Variants in ATP9B observed in about 807,000 individuals in gnomAD.
ATP9B encodes the protein ATPase phospholipid transporting 9B, also known as probable phospholipid-transporting ATPase IIB.
ATP9B carries 110 observed loss-of-function variants against 146.1 expected under a neutral mutation model. That is an observed-to-expected ratio of 0.75 (90% CI 0.65 to 0.88). The LOEUF is 0.88. ATP9B is among the 40% of genes least tolerant of loss of function. ATP9B has a pLI of 0.00. For missense variants in ATP9B, 1,499 were observed against 1,496.4 expected (o/e 1.00, Z -0.03); for synonymous variants, 604 against 569.7 (o/e 1.06, Z -0.86).
intron 26 of ATP9B, among the ~76,000 whole-genome samples, chr18:79,367,850 G>T (rs1600441085): frequency 6.6e-6 from 1 of 152,264 alleles, no homozygotes; most frequent in East Asian, 1.9e-4. Flanking sequence ...AAAAAGACAT[G>T]TCCGGAGCTT....
At chr18:79,075,988 G>T (rs1289432942) in intron 1 of ATP9B, among the ~76,000 whole-genome samples, 1 of 152,116 alleles carries the variant, frequency 6.6e-6, no homozygotes, top group Non-Finnish European at 1.5e-5. Context: ...ATAACTCATT[G>T]CAGTGTACTG....
intron 10 of ATP9B, among the ~76,000 whole-genome samples, chr18:79,210,035 C>T (rs887361420): frequency 4.6e-5 from 7 of 152,110 alleles, no homozygotes. Context: ...CTCCCCATCC[C>T]TAGAGTTCTG....
chr18:79,095,210 C>A (rs890405536), intron 1 of ATP9B, among the ~76,000 whole-genome samples: 4 of 152,304 alleles, frequency 2.6e-5, no homozygotes, highest in African/African-American at 7.2e-5. Flanking sequence ...ACAAGCCTTT[C>A]AAGAGGTGCA....
intron 11 of ATP9B, among the ~76,000 whole-genome samples, chr18:79,227,373 C>CGT (rs886819054): frequency 1.7e-5 from 2 of 119,890 alleles, no homozygotes; most frequent in Non-Finnish European, 1.6e-5. Flanking sequence ...AGTCAGGCCG[C>CGT]GTGTGTGTGT....
intron 4 of ATP9B, among the ~76,000 whole-genome samples, chr18:79,121,747 G>A (rs2094193441): frequency 6.6e-6 from 1 of 152,202 alleles, no homozygotes; most frequent in Admixed American, 6.5e-5. Context: ...AAACAGATTT[G>A]GAAGTGTGTT....
At chr18:79,345,345 A>G (rs891329104) in intron 21 of ATP9B, 83 bp from the exon 22 acceptor site, 48 of 1,518,600 alleles carry the variant, frequency 3.2e-5, no homozygotes, top group Admixed American at 2.6e-4. Flanking sequence ...CTTTGCTCCC[A>G]TGGTTTTGCA....
At position 79,347,809 on chromosome 18, in the gene ATP9B, A is replaced by G; in HGVS notation, c.2722A>G (p.Thr908Ala). Residue 908 changes from threonine to alanine, a missense_variant, in exon 24 of 30, where the codon ACG becomes GCG. Thr to Ala is a moderately conservative substitution (Grantham distance 58). Coordinates refer to ENST00000426216, the MANE Select transcript of ATP9B (RefSeq NM_198531.5). ...CTCGCTGGCGGCCGACTTCTCCATC[A>G]CGCAGTTCCGGCACATAGGCAGGCT... is the stretch of plus-strand genomic sequence containing the variant. ...QASLAADFSITQFRHIGRLLM... is the reference protein window; with the variant it reads ...QASLAADFSIAQFRHIGRLLM... 6.2e-7 allele frequency: 1 copy of G among 1,609,170 alleles called. No homozygotes were observed.
At chr18:79,148,825 A>G (rs553729601) in intron 6 of ATP9B, among the ~76,000 whole-genome samples, 18 of 152,308 alleles carry the variant, frequency 1.2e-4, no homozygotes, top group African/African-American at 3.6e-4. Context: ...GAAAACCCCA[A>G]CGGATCTATA....
chr18:79,303,559 A>G, intron 13 of ATP9B, 45 bp from the exon 14 acceptor site: 1 of 1,520,306 alleles, frequency 6.6e-7, no homozygotes. Context: ...GTGTTCCCGC[A>G]GGCCTCCTGC....
intron 13 of ATP9B, among the ~76,000 whole-genome samples, chr18:79,290,052 C>CG (rs1236736912): frequency 6.6e-6 from 1 of 152,088 alleles, no homozygotes; most frequent in Non-Finnish European, 1.5e-5. Context: ...TTAGGCTGCT[C>CG]GGGGGTCAGG....
At chr18:79,080,325 T>C (rs935977213) in intron 1 of ATP9B, among the ~76,000 whole-genome samples, 1 of 152,314 alleles carries the variant, frequency 6.6e-6, no homozygotes, top group South Asian at 2.1e-4. Context: ...CCTTGAGCAG[T>C]GGTTTGTAGT....
chr18:79,225,658 G>A (rs1477979875), intron 11 of ATP9B, among the ~76,000 whole-genome samples: 2 of 143,284 alleles, frequency 1.4e-5, no homozygotes, highest in African/African-American at 2.6e-5. Flanking sequence ...GTCGCAGGGC[G>A]GCCACTGTCT....
chr18:79,107,377 T>C (rs1366087716), intron 2 of ATP9B, among the ~76,000 whole-genome samples: 1 of 152,224 alleles, frequency 6.6e-6, no homozygotes, highest in Non-Finnish European at 1.5e-5. Context: ...AAATGAAAGT[T>C]GCCACATGGG....
chr18:79,327,518 AGC>A (rs1445199226), intron 15 of ATP9B, among the ~76,000 whole-genome samples: 1 of 115,280 alleles, frequency 8.7e-6, no homozygotes, highest in African/African-American at 3.4e-5. Flanking sequence ...CTCCATGGTT[AGC>A]GTGCTCTCCG....
intron 8 of ATP9B, among the ~76,000 whole-genome samples, chr18:79,190,890 TGG>T (rs745399599): frequency 2.3e-4 from 35 of 150,444 alleles, no homozygotes; most frequent in South Asian, 1.7e-3. Context: ...AAACAGGATT[TGG>T]GGGTTTTTTT....
chr18:79,180,095 A>G (rs1420279547), intron 8 of ATP9B, among the ~76,000 whole-genome samples: 1 of 152,046 alleles, frequency 6.6e-6, no homozygotes, highest in Non-Finnish European at 1.5e-5. Flanking sequence ...TTTTTAAATT[A>G]GTATTTACAT....
chr18:79,268,764 T>TA (rs1422287742), intron 12 of ATP9B, among the ~76,000 whole-genome samples: 13 of 152,234 alleles, frequency 8.5e-5, no homozygotes, highest in African/African-American at 3.1e-4. Flanking sequence ...TCTTGCATCT[T>TA]AGAGTAGAGT....
chr18:79,175,823 C>G (rs142677486), intron 7 of ATP9B, among the ~76,000 whole-genome samples: 1 of 152,016 alleles, frequency 6.6e-6, no homozygotes, highest in Non-Finnish European at 1.5e-5. Context: ...TAGCCATGCA[C>G]GCGCACACAC....
At chr18:79,126,546 A>C (rs1019087632) in intron 5 of ATP9B, among the ~76,000 whole-genome samples, 171 bp downstream of exon 5, 2 of 152,230 alleles carry the variant, frequency 1.3e-5, no homozygotes, top group Non-Finnish European at 1.5e-5. Flanking sequence ...ATTTTAGGGT[A>C]GATATTTGTT....
Sources: gnomAD v4.1 joint callset for allele counts (sites outside exome capture counted in the v4.1 genomes callset) on GRCh38, gnomAD v4.1.1 for gene constraint, MANE v1.5 for transcripts, NCBI Gene and HGNC (gene_info 2026-07-23, HGNC 2026-07-21) for gene names.